FAM135B: variants seen among roughly 807,000 people sequenced by gnomAD.
The protein encoded by FAM135B is protein FAM135B.
A neutral mutation model predicts 127.7 loss-of-function variants in FAM135B; 43 were observed. The ratio of observed to expected loss-of-function variants is 0.34; its 90% confidence interval spans 0.26 to 0.43. The LOEUF (loss-of-function observed/expected upper bound fraction) is 0.43. Ranked by LOEUF, FAM135B falls within the 20% of genes least tolerant of loss-of-function variation. The pLI is 1.00. For synonymous variants in FAM135B, 670 were observed against 665.1 expected, an observed-to-expected ratio of 1.01 and a Z score of -0.11; for missense variants, 1,558 against 1,725.6, an observed-to-expected ratio of 0.90 and a Z score of 1.72.
chr8:138,156,731 C>T (rs1283028707), intron 12 of FAM135B, among the ~76,000 whole-genome samples: 3 of 152,116 alleles, frequency 2.0e-5, no homozygotes, highest in South Asian at 2.1e-4. Flanking sequence ...CATACACCCT[C>T]CCAAGACTAA....
chr8:138,399,983 T>G (rs1833064989), intron 1 of FAM135B, among the ~76,000 whole-genome samples: 1 of 152,204 alleles, frequency 6.6e-6, no homozygotes, highest in Admixed American at 6.5e-5. Context: ...CATGAATATA[T>G]ATCGTCATCC....
chr8:138,301,975 G>A (rs1825917839), intron 3 of FAM135B, among the ~76,000 whole-genome samples: 3 of 152,060 alleles, frequency 2.0e-5, no homozygotes, highest in Admixed American at 2.0e-4. Flanking sequence ...AAGAAGCTTT[G>A]AACAAGTAAA....
intron 9 of FAM135B, among the ~76,000 whole-genome samples, chr8:138,185,259 C>A (rs975873026): frequency 6.6e-5 from 10 of 152,178 alleles, no homozygotes; most frequent in Non-Finnish European, 1.5e-5. Flanking sequence ...GGGACCAGTG[C>A]AGACTAGGTG....
chr8:138,316,626 T>C (rs1004925180), intron 2 of FAM135B, among the ~76,000 whole-genome samples: 1 of 152,140 alleles, frequency 6.6e-6, no homozygotes, highest in Non-Finnish European at 1.5e-5. Context: ...CACTCACACA[T>C]TGCTGGTGGA....
At chr8:138,475,986 T>C (rs1814409892) in intron 1 of FAM135B, among the ~76,000 whole-genome samples, 1 of 152,082 alleles carries the variant, frequency 6.6e-6, no homozygotes, top group Non-Finnish European at 1.5e-5. Flanking sequence ...GGAGAGTGGA[T>C]AAATAAACTA....
intron 3 of FAM135B, among the ~76,000 whole-genome samples, chr8:138,305,621 A>G (rs1294176606): frequency 6.6e-6 from 1 of 152,216 alleles, no homozygotes; most frequent in Non-Finnish European, 1.5e-5. Flanking sequence ...CACCTGTTTT[A>G]TCTTCCTGGA....
At chr8:138,488,248 C>G (rs1391756091) in intron 1 of FAM135B, among the ~76,000 whole-genome samples, 1 of 152,068 alleles carries the variant, frequency 6.6e-6, no homozygotes. Flanking sequence ...TATTTTTTGA[C>G]AAACATTTAT....
At chr8:138,464,156 C>T (rs1284388486) in intron 1 of FAM135B, among the ~76,000 whole-genome samples, 1 of 152,140 alleles carries the variant, frequency 6.6e-6, no homozygotes, top group East Asian at 1.9e-4. Context: ...GGGCATACCA[C>T]CCTAGACCTT....
intron 12 of FAM135B, among the ~76,000 whole-genome samples, chr8:138,164,740 T>C (rs1819740875): frequency 6.6e-6 from 1 of 152,138 alleles, no homozygotes. Flanking sequence ...ATGTCTCATG[T>C]CTCCCTAAAA....
chr8:138,408,106 T>C (rs952417099), intron 1 of FAM135B, among the ~76,000 whole-genome samples: 3 of 152,186 alleles, frequency 2.0e-5, no homozygotes, highest in Non-Finnish European at 4.4e-5. Context: ...GGGAAATGAA[T>C]ATTGGCTTCA....
intron 2 of FAM135B, among the ~76,000 whole-genome samples, chr8:138,339,486 C>T (rs1828890124): frequency 6.6e-6 from 1 of 151,942 alleles, no homozygotes; most frequent in Non-Finnish European, 1.5e-5. Context: ...GGCAGAATGC[C>T]AGGGATGTAT....
chr8:138,288,119 C>T (rs753808106), intron 3 of FAM135B, among the ~76,000 whole-genome samples: 1 of 152,126 alleles, frequency 6.6e-6, no homozygotes, highest in African/African-American at 2.4e-5. Flanking sequence ...TATTATCCCA[C>T]CTCTCATTAT....
intron 2 of FAM135B, among the ~76,000 whole-genome samples, chr8:138,341,508 T>C (rs535588248): frequency 7.7e-6 from 1 of 130,660 alleles, no homozygotes; most frequent in East Asian, 2.3e-4. Flanking sequence ...ATCATGGTGA[T>C]GGTTCCACAA....
At chr8:138,289,385 T>C (rs1004884224) in intron 3 of FAM135B, among the ~76,000 whole-genome samples, 1 of 152,188 alleles carries the variant, frequency 6.6e-6, no homozygotes, top group African/African-American at 2.4e-5. Flanking sequence ...GACAAATGAA[T>C]TGTTCAGTTA....
At chr8:138,339,358 A>AATATATATAT (rs143774221) in intron 2 of FAM135B, among the ~76,000 whole-genome samples, 1,496 of 147,602 alleles carry the variant, frequency 0.01, 14 homozygotes, top group East Asian at 0.062. Flanking sequence ...AAACTAACTA[A>AATATATATAT]ATATATATAT....
rs1816246650 is a variant in FAM135B, at chr8:138,131,894, C to T, written c.*699G>A. 1.3e-5 allele frequency: 2 copies of T among 152,590 alleles called. No individual in the cohort carries two copies. Among genetic ancestry groups the T allele is most frequent in the African/African-American group, 4.8e-5 (2 of 41,430 alleles). 9.5% of individuals were successfully genotyped at this position (152,590 alleles called of 1,614,324 possible). A position where few individuals can be genotyped will look rare whatever the true frequency, so the allele number is the denominator to read the frequency against. On this transcript the variant is annotated 3_prime_UTR_variant, in exon 20 of 20. Transcript: ENST00000395297. The stretch of plus-strand genomic sequence containing the variant: ...AATTCTGGGGAAGTAGGTGGAGCAA[C>T]TATTCATAGTTCAGTATGTCCCTAG...
intron 9 of FAM135B, among the ~76,000 whole-genome samples, chr8:138,189,068 C>A (rs535438783): frequency 4.6e-5 from 7 of 152,190 alleles, no homozygotes; most frequent in Non-Finnish European, 2.9e-5. Context: ...GCCCCACCCC[C>A]CATCCTATGC....
chr8:138,321,260 T>C (rs1471201481), intron 2 of FAM135B, among the ~76,000 whole-genome samples: 1 of 152,172 alleles, frequency 6.6e-6, no homozygotes, highest in Non-Finnish European at 1.5e-5. Context: ...AGATATAATG[T>C]CTTCATTGCT....
At chr8:138,145,286 G>A (rs1270930650) in intron 15 of FAM135B, among the ~76,000 whole-genome samples, 1 of 152,054 alleles carries the variant, frequency 6.6e-6, no homozygotes, top group East Asian at 1.9e-4. Flanking sequence ...AAAATGCTGG[G>A]ATTATAGGTG....
Sources: gnomAD v4.1 joint callset for allele counts (sites outside exome capture counted in the v4.1 genomes callset) on GRCh38, gnomAD v4.1.1 for gene constraint, MANE v1.5 for transcripts, NCBI Gene and HGNC (gene_info 2026-07-23, HGNC 2026-07-21) for gene names.